BCL11B: variants seen among roughly 807,000 people sequenced by gnomAD.
BCL11B encodes the protein B-cell lymphoma/leukemia 11B.
A neutral mutation model predicts 49.9 loss-of-function variants in BCL11B; 8 were observed. That is an observed-to-expected ratio of 0.16 (90% CI 0.09 to 0.29). The LOEUF (loss-of-function observed/expected upper bound fraction) is 0.29, where lower values mean the gene tolerates loss of function less well. Ranked by LOEUF, BCL11B falls within the 10% of genes least tolerant of loss-of-function variation. The pLI is 1.00. For missense variants in BCL11B, 1,006 were observed against 1,351.0 expected (o/e 0.74, Z 4.00); for synonymous variants, 739 against 637.4 (o/e 1.16, Z -2.40).
chr14:99,208,567 C>A (rs1457550399), intron 3 of BCL11B, among the ~76,000 whole-genome samples: 1 of 152,176 alleles, frequency 6.6e-6, no homozygotes, highest in Admixed American at 6.5e-5. Flanking sequence ...CAAGCAAGAC[C>A]GAGCACGGGG....
At position 99,172,767 on chromosome 14, in the gene BCL11B, T is replaced by C. The variant is rs761614622; in HGVS notation, c.*1384A>G. 2.0e-4 allele frequency: 43 copies of C among 216,112 alleles called. 1 individual carries two copies. Among genetic ancestry groups the C allele is most frequent in the Admixed American group, 6.4e-4 (11 of 17,156 alleles). The allele number at this position is 216,112 out of a possible 1,614,324, so 13.4% of individuals were successfully genotyped here. On this transcript the variant is annotated 3_prime_UTR_variant, in exon 4 of 4. Transcript: ENST00000357195. ...TTTAATTTAAATGCAAACAAAAGCT[T>C]TAAAGTGCGGGTCAACAGAATTCAA...
In BCL11B at chr14:99,172,164, G is replaced by T. The variant is rs752016748; in HGVS notation, c.*1987C>A. 2 of 221,678 alleles carry T rather than the reference G, an allele frequency of 9.0e-6. No homozygotes were observed. The highest frequency in any genetic ancestry group is 1.3e-4 in the East Asian group (2 of 15,196). 13.7% of individuals were successfully genotyped at this position (221,678 alleles called of 1,614,324 possible). ...AATTTAACTTTAGAAAAAATTAGCC[G>T]TTGTTCCTGAATTGTTTTTGTTTTG... On this transcript the variant is annotated 3_prime_UTR_variant, in exon 4 of 4. Transcript: ENST00000357195.
chr14:99,227,298 T>G (rs141230620), intron 3 of BCL11B, among the ~76,000 whole-genome samples: 1 of 152,148 alleles, frequency 6.6e-6, no homozygotes, highest in Non-Finnish European at 1.5e-5. Context: ...GCACATGGTG[T>G]TGTTCTCAGC....
chr14:99,190,263 C>A lies in BCL11B; in HGVS notation c.641-14068G>T, dbSNP rs551984799. ...CAGCACTTTGGGAGGCCAAAGCGGGCAGATCACGAGGTCAGGAGATCAAGA... is the reference window on the plus strand; with the variant it reads ...CAGCACTTTGGGAGGCCAAAGCGGGAAGATCACGAGGTCAGGAGATCAAGA... On this transcript the variant is annotated intron_variant, in intron 3 of 3. Transcript: ENST00000357195. 3.3e-5 allele frequency among the ~76,000 whole-genome samples: 5 copies of A among 152,276 alleles called. No individual in the cohort carries two copies. In the South Asian group the frequency reaches 8.3e-4, roughly 25 times the overall value.
chr14:99,265,024 A>C (rs1420730028), intron 1 of BCL11B, among the ~76,000 whole-genome samples: 2 of 152,170 alleles, frequency 1.3e-5, no homozygotes, highest in Admixed American at 1.3e-4. Context: ...GGGACAGGAC[A>C]GAGCACACAG....
At chr14:99,261,845 C>T (rs370820969) in intron 1 of BCL11B, among the ~76,000 whole-genome samples, 46 of 152,272 alleles carry the variant, frequency 3.0e-4, no homozygotes, top group African/African-American at 1.1e-3. Context: ...TTCTGAAATG[C>T]TAAATCCTAA....
chr14:99,181,561 C>A (rs1226576372), intron 3 of BCL11B, among the ~76,000 whole-genome samples: 1 of 152,186 alleles, frequency 6.6e-6, no homozygotes, highest in Non-Finnish European at 1.5e-5. Context: ...TGCAAATGGC[C>A]ACGAAGGAGG....
chr14:99,235,649 C>G (rs1888473694), intron 2 of BCL11B, among the ~76,000 whole-genome samples: 1 of 151,366 alleles, frequency 6.6e-6, no homozygotes, highest in East Asian at 1.9e-4. Flanking sequence ...TTCTCTCCCC[C>G]CTCTCTTTTA....
intron 2 of BCL11B, among the ~76,000 whole-genome samples, chr14:99,246,194 G>A (rs928111490): frequency 6.6e-6 from 1 of 152,170 alleles, no homozygotes; most frequent in Non-Finnish European, 1.5e-5. Context: ...GTCAGGGGAG[G>A]AAGAAAGGAG....
intron 3 of BCL11B, among the ~76,000 whole-genome samples, chr14:99,189,090 C>T (rs961005557): frequency 1.3e-5 from 2 of 152,234 alleles, no homozygotes; most frequent in African/African-American, 4.8e-5. Flanking sequence ...AGTACTCAGC[C>T]TAAGGCTACA....
rs58608088 is a variant in BCL11B at position 99,236,253 on chromosome 14, A to T, written c.428-4696T>A. Among the ~76,000 whole-genome samples, 138 of 152,264 alleles carry T rather than the reference A, an allele frequency of 9.1e-4. 1 individual carries two copies. The East Asian group carries it at 0.023, about 25-fold the overall frequency. ...CCAATTCGCACGCGGGCAAATAAAA[A>T]TATTTTTTTCTGATCACTTAAATAT... On this transcript the variant is annotated intron_variant, in intron 2 of 3. Transcript: ENST00000357195.
In BCL11B at chr14:99,241,678, G is replaced by A. The variant is rs1259697490; in HGVS notation, c.428-10121C>T. Among the ~76,000 whole-genome samples, 2 of 151,908 alleles carry A rather than the reference G, an allele frequency of 1.3e-5. No homozygotes were observed. Among genetic ancestry groups the A allele is most frequent in the African/African-American group, 4.8e-5 (2 of 41,330 alleles). The stretch of plus-strand genomic sequence containing the variant: ...CCTGTGCTGTAGGGGGGACGATGTC[G>A]CTTTTTTCCCCCTTCCCTAAGTGCA... On this transcript the variant is annotated intron_variant, in intron 2 of 3. Coordinates refer to ENST00000357195, the MANE Select transcript of BCL11B (RefSeq NM_138576.4). This position sits in a 1 kb window ranked among gnomAD's most constrained non-coding sequence, Gnocchi z 4.4.
intron 3 of BCL11B, among the ~76,000 whole-genome samples, chr14:99,197,444 T>C (rs1887209123): frequency 6.6e-6 from 1 of 152,204 alleles, no homozygotes; most frequent in South Asian, 2.1e-4. Context: ...ATATCCATAG[T>C]ACCCTTAATA....
At chr14:99,204,235 C>T (rs950326435) in intron 3 of BCL11B, among the ~76,000 whole-genome samples, 2 of 152,204 alleles carry the variant, frequency 1.3e-5, no homozygotes, top group Non-Finnish European at 2.9e-5. Context: ...CATGCACAAG[C>T]TGCCTGGTGG....
chr14:99,254,082 A>G (rs921806556), intron 2 of BCL11B, among the ~76,000 whole-genome samples: 3 of 152,154 alleles, frequency 2.0e-5, no homozygotes, highest in Non-Finnish European at 4.4e-5. Context: ...TCTGCCCATT[A>G]TCCCCATGTT....
intron 3 of BCL11B, among the ~76,000 whole-genome samples, chr14:99,183,059 G>T (rs556169711): frequency 1.6e-5 from 1 of 64,252 alleles, no homozygotes. Flanking sequence ...CACACTCCAG[G>T]GGGGAGACAG....
chr14:99,212,167 G>C (rs1887706368), intron 3 of BCL11B, among the ~76,000 whole-genome samples: 1 of 152,064 alleles, frequency 6.6e-6, no homozygotes, highest in African/African-American at 2.4e-5. Flanking sequence ...CCTGAGCACT[G>C]GGGGGGCTAG....
intron 1 of BCL11B, among the ~76,000 whole-genome samples, chr14:99,269,336 C>T (rs1311184188): frequency 2.6e-5 from 4 of 152,274 alleles, no homozygotes; most frequent in Non-Finnish European, 2.9e-5. Flanking sequence ...ATCGAAATGT[C>T]AACTGGCAAA....
At position 99,242,095 on chromosome 14, in the gene BCL11B, C is replaced by T. The variant is rs1006445890; in HGVS notation, c.428-10538G>A. Among the ~76,000 whole-genome samples, 1 of 152,066 alleles carries T rather than the reference C, an allele frequency of 6.6e-6. No homozygotes were observed. Among genetic ancestry groups the T allele is most frequent in the Admixed American group, 6.5e-5 (1 of 15,272 alleles). On this transcript the variant is annotated intron_variant, in intron 2 of 3. Coordinates refer to ENST00000357195, the MANE Select transcript of BCL11B (RefSeq NM_138576.4). The surrounding 1 kb of genome is among the most constrained non-coding windows in gnomAD (Gnocchi z 4.4). Reference sequence around the variant, plus strand: ...AGGGAGAGGGAGCAGGGGCAGGCGGCGCTGAAGGAAGACTTTCTGAGCGGT... The same window carrying T: ...AGGGAGAGGGAGCAGGGGCAGGCGGTGCTGAAGGAAGACTTTCTGAGCGGT...
Sources: gnomAD v4.1 joint callset for allele counts (sites outside exome capture counted in the v4.1 genomes callset) on GRCh38, gnomAD v4.1.1 for gene constraint, Gnocchi (gnomAD v3.1) non-coding constraint, MANE v1.5 for transcripts, NCBI Gene and HGNC (gene_info 2026-07-23, HGNC 2026-07-21) for gene names.